Variants in KLHL24 observed in about 807,000 individuals in gnomAD.
The protein encoded by KLHL24 is kelch like family member 24, also known as kelch-like protein 24.
Under a neutral mutation model 53.4 loss-of-function variants are expected in KLHL24, and 29 were observed. The ratio of observed to expected loss-of-function variants is 0.54; its 90% CI spans 0.40 to 0.74. KLHL24 has a LOEUF of 0.74. Ranked by LOEUF, KLHL24 falls within the 30% of genes least tolerant of loss-of-function variation. KLHL24 has a pLI of 0.00. For missense variants in KLHL24, 504 were observed against 744.0 expected (o/e 0.68, Z 3.75); for synonymous variants, 222 against 253.7 (o/e 0.88, Z 1.19).
intron 7 of KLHL24, among the ~76,000 whole-genome samples, chr3:183,676,376 A>G (rs6807195): frequency 0.33 from 50,957 of 152,114 alleles, 9,396 homozygotes; most frequent in African/African-American, 0.49. Context: ...GATTACAGGC[A>G]TGAGCCACGG....
chr3:183,677,187 G>C (rs149513646), intron 7 of KLHL24, among the ~76,000 whole-genome samples: 1 of 152,150 alleles, frequency 6.6e-6, no homozygotes, highest in Non-Finnish European at 1.5e-5. Context: ...ATCTGAAATG[G>C]TATTAATTAC....
chr3:183,684,221 G>T lies in KLHL24; in HGVS notation c.*4935G>T, dbSNP rs868806850. 6.6e-6 allele frequency: 1 copy of T among 152,110 alleles called. No individual in the cohort carries two copies. Among genetic ancestry groups the T allele is most frequent in the African/African-American group, 2.4e-5 (1 of 41,352 alleles). The allele number at this position is 152,110 out of a possible 1,614,324, so 9.4% of individuals were successfully genotyped here. On this transcript the variant is annotated 3_prime_UTR_variant, in exon 8 of 8. Transcript: ENST00000242810. Reference sequence around the variant, plus strand: ...TTCTTTATTTAAATTTTTATTGAGAGTTGTTGGAGCTCTAAGACAATACAA... The same window carrying T: ...TTCTTTATTTAAATTTTTATTGAGATTTGTTGGAGCTCTAAGACAATACAA...
intron 7 of KLHL24, among the ~76,000 whole-genome samples, chr3:183,677,800 ATTT>A (rs111503032): frequency 2.6e-4 from 40 of 151,206 alleles, no homozygotes; most frequent in African/African-American, 8.8e-4. Context: ...TTGTTTGTTT[ATTT>A]TTTTTGAGAC....
At chr3:183,641,946 C>A (rs576912982) in intron 1 of KLHL24, among the ~76,000 whole-genome samples, 5 of 152,270 alleles carry the variant, frequency 3.3e-5, no homozygotes, top group Middle Eastern at 3.4e-3. Context: ...AGAAAATGTC[C>A]AGGTGAATTG....
intron 5 of KLHL24, among the ~76,000 whole-genome samples, chr3:183,666,571 G>A (rs894823065): frequency 1.3e-5 from 2 of 151,936 alleles, no homozygotes; most frequent in African/African-American, 4.8e-5. Flanking sequence ...CAAATATTTT[G>A]GATTTTTTTC....
At chr3:183,665,346 G>T (rs1197266747) in intron 5 of KLHL24, among the ~76,000 whole-genome samples, 2 of 152,202 alleles carry the variant, frequency 1.3e-5, no homozygotes, top group Non-Finnish European at 2.9e-5. Context: ...ACAGGCCAAT[G>T]TCTAACCCAC....
chr3:183,670,908 AT>A (rs1721251847), intron 5 of KLHL24, 125 bp from the exon 6 acceptor site: 1 of 665,218 alleles, frequency 1.5e-6, no homozygotes. Flanking sequence ...TCTGAGCTAA[AT>A]ATATTGCAAT....
chr3:183,668,312 T>C (rs1220391431), intron 5 of KLHL24, among the ~76,000 whole-genome samples: 1 of 151,978 alleles, frequency 6.6e-6, no homozygotes, highest in African/African-American at 2.4e-5. Context: ...AAAAACCATG[T>C]ATGTATTGGT....
Position 183,672,343 on chromosome 3 carries a change from T to C in KLHL24, c.1461T>C (p.Ala487=). ...CCAATTCTTGGCTACTTCGTGCAGC[T>C]ATCCCAATTGCCAAAAGGTGTATAA... ...PETNSWLLRA[A]IPIAKRCITA... is the part of the protein sequence containing the mutation. Residue 487 remains alanine (A), a synonymous_variant, in exon 7 of 8, where the codon GCT becomes GCC. Coordinates refer to ENST00000242810, the MANE Select transcript of KLHL24 (RefSeq NM_017644.3). 1 of 1,610,396 alleles carries C rather than the reference T, an allele frequency of 6.2e-7. No homozygotes were observed. The highest frequency in any genetic ancestry group is 8.5e-7 in the Non-Finnish European group (1 of 1,177,892).
chr3:183,672,257 G>T (rs1187401640), intron 6 of KLHL24, 39 bp from the exon 7 acceptor site: 1 of 1,097,854 alleles, frequency 9.1e-7, no homozygotes, highest in South Asian at 2.3e-5. Context: ...TTCCATTTTT[G>T]TTTAGAAATT....
chr3:183,675,736 C>A (rs1011107745), intron 7 of KLHL24, among the ~76,000 whole-genome samples: 2 of 151,008 alleles, frequency 1.3e-5, no homozygotes, highest in Non-Finnish European at 2.9e-5. Context: ...AGTTAGGGAC[C>A]AGCCTGGGTG....
Position 183,673,386 on chromosome 3 carries a change from G to GT in KLHL24, c.1602+904dup, listed in dbSNP as rs1576978451. ...GAGAAGTATCTGTTACACTTGGGCTGTTCTTTTTTTTTTCTCTTGACTTTT... is the reference window on the plus strand; with the variant it reads ...GAGAAGTATCTGTTACACTTGGGCTGTTTCTTTTTTTTTTCTCTTGACTTTT... On this transcript the variant is annotated intron_variant, in intron 7 of 7. Transcript: ENST00000242810. Among the ~76,000 whole-genome samples, 3 of 120,254 alleles carry GT rather than the reference G, an allele frequency of 2.5e-5. No individual in the cohort carries two copies. In the South Asian group the frequency reaches 6.5e-4, roughly 26 times the overall value. The allele number at this position is 120,254 out of a possible 152,430, so 78.9% of individuals were successfully genotyped here.
chr3:183,641,679 C>T lies in KLHL24; in HGVS notation c.-124-1801C>T, dbSNP rs2108764672. ...GTTCTCTACTACAAGTTTTAGGGGC[C>T]ATGCTAGTCAGGATGTTGTTGGTTC... On this transcript the variant is annotated intron_variant, in intron 1 of 7. Transcript: ENST00000242810. 2.0e-5 allele frequency among the ~76,000 whole-genome samples: 3 copies of T among 152,070 alleles called. 1 individual carries two copies. In the South Asian group the frequency reaches 6.2e-4, roughly 32 times the overall value.
chr3:183,651,230 C>A lies in KLHL24; in HGVS notation c.874C>A (p.His292Asn). 6.2e-7 allele frequency: 1 copy of A among 1,614,090 alleles called. No individual in the cohort carries two copies. The highest frequency in any genetic ancestry group is 1.1e-5 in the South Asian group (1 of 91,064). The part of the protein sequence containing the change: ...YQLLHEARRY[H>N]ILGNEMMSPR... The stretch of plus-strand genomic sequence containing the variant: ...GTTGTTGCATGAAGCAAGACGGTAC[C>A]ACATACTTGGGAATGAAATGATGTC... The change falls in exon 3 of 8, where the codon CAC becomes AAC. Residue 292 changes from histidine to asparagine, a missense_variant. Transcript: ENST00000242810.
chr3:183,652,039 G>GTA (rs139075389), intron 3 of KLHL24, among the ~76,000 whole-genome samples: 3,263 of 152,182 alleles, frequency 0.021, 120 homozygotes, highest in African/African-American at 0.075. Flanking sequence ...AAATAAGCTG[G>GTA]TATACATTGA....
chr3:183,670,614 T>C (rs1364645434), intron 5 of KLHL24, among the ~76,000 whole-genome samples: 1 of 152,214 alleles, frequency 6.6e-6, no homozygotes, highest in Non-Finnish European at 1.5e-5. Flanking sequence ...AATAATCAAA[T>C]ATTTCATTAC....
At chr3:183,670,430 C>G (rs971870279) in intron 5 of KLHL24, among the ~76,000 whole-genome samples, 4 of 152,118 alleles carry the variant, frequency 2.6e-5, no homozygotes, top group Non-Finnish European at 5.9e-5. Flanking sequence ...TTTGCCCTAC[C>G]TTTCTCTTAT....
chr3:183,678,045 G>A (rs947767835), intron 7 of KLHL24, among the ~76,000 whole-genome samples: 4 of 152,068 alleles, frequency 2.6e-5, no homozygotes, highest in African/African-American at 7.2e-5. Flanking sequence ...CACCTGCCTC[G>A]GCCTCCCAAA....
intron 6 of KLHL24, 25 bp from the exon 7 acceptor site, chr3:183,672,271 A>G (rs747535087): frequency 2.8e-5 from 36 of 1,283,536 alleles, no homozygotes; most frequent in Non-Finnish European, 3.6e-5. Flanking sequence ...AGAAATTTTA[A>G]TTATATATTT....
Sources: allele counts gnomAD v4.1 joint callset (sites outside exome capture counted in the v4.1 genomes callset), GRCh38; gene constraint gnomAD v4.1.1; transcripts MANE v1.5; gene names NCBI Gene and HGNC (gene_info 2026-07-23, HGNC 2026-07-21).